Variants in ELAPOR1 observed in about 807,000 individuals in gnomAD.
The protein encoded by ELAPOR1 is endosome/lysosome-associated apoptosis and autophagy regulator 1.
ELAPOR1 carries 77 observed loss-of-function variants against 119.7 expected under a neutral mutation model. That is an observed-to-expected ratio of 0.64 (90% confidence interval 0.54 to 0.78). The LOEUF (loss-of-function observed/expected upper bound fraction) is 0.78, where lower values mean the gene tolerates loss of function less well. ELAPOR1 is among the 30% of genes least tolerant of loss of function. The pLI, the probability that ELAPOR1 is intolerant of heterozygous loss-of-function variation, is 0.00. For missense variants in ELAPOR1, 1,115 were observed against 1,270.4 expected (o/e 0.88, Z 1.86); for synonymous variants, 481 against 487.2 (o/e 0.99, Z 0.17).
At chr1:109,130,962 ACT>A (rs1273186135) in intron 1 of ELAPOR1, among the ~76,000 whole-genome samples, 1 of 152,008 alleles carries the variant, frequency 6.6e-6, no homozygotes, top group South Asian at 2.1e-4. Flanking sequence ...GCATAGCAAG[ACT>A]CTCTCTCTAA....
intron 9 of ELAPOR1, 102 bp from the exon 10 acceptor site, chr1:109,188,964 G>A: frequency 2.1e-6 from 3 of 1,422,110 alleles, no homozygotes; most frequent in Non-Finnish European, 2.9e-6. Flanking sequence ...CAGGCTTCTG[G>A]GCTGCCCGCT....
Position 109,188,374 on chromosome 1 carries a change from A to G in ELAPOR1, c.1219+20A>G. 1.3e-6 allele frequency: 2 copies of G among 1,593,690 alleles called. No individual in the cohort carries two copies. Among genetic ancestry groups the G allele is most frequent in the Non-Finnish European group, 1.7e-6 (2 of 1,165,088 alleles). ...GCTCAGGTAACCTCCTCACCACCCC[A>G]CTCTCTGCAGCACATCGACTGTGTG... On this transcript the variant is annotated intron_variant, in intron 9 of 21. Transcript: ENST00000369939.
intron 1 of ELAPOR1, among the ~76,000 whole-genome samples, chr1:109,155,895 C>A (rs1201883978): frequency 2.6e-5 from 4 of 152,158 alleles, no homozygotes; most frequent in Non-Finnish European, 5.9e-5. Flanking sequence ...GTAATTCCAG[C>A]ACTTTGTGAG....
intron 8 of ELAPOR1, among the ~76,000 whole-genome samples, chr1:109,185,716 A>G (rs1653002267): frequency 6.6e-6 from 1 of 152,144 alleles, no homozygotes; most frequent in South Asian, 2.1e-4. Context: ...TCCTGCCCCC[A>G]GGGAGCTCAC....
intron 1 of ELAPOR1, among the ~76,000 whole-genome samples, chr1:109,160,080 TG>T (rs930339806): frequency 5.3e-4 from 80 of 152,310 alleles, no homozygotes; most frequent in African/African-American, 1.9e-3. Flanking sequence ...CCCATCCTGA[TG>T]TTCTTTCTTT....
chr1:109,154,186 C>A (rs922579749), intron 1 of ELAPOR1, among the ~76,000 whole-genome samples: 1 of 146,140 alleles, frequency 6.8e-6, no homozygotes, highest in Non-Finnish European at 1.5e-5. Context: ...GAGGTTGAGG[C>A]AGGAGAATTG....
chr1:109,157,157 C>G (rs1483515614), intron 1 of ELAPOR1, among the ~76,000 whole-genome samples: 1 of 152,084 alleles, frequency 6.6e-6, no homozygotes, highest in Non-Finnish European at 1.5e-5. Flanking sequence ...TGCTGTGCCC[C>G]AGACACAGTA....
intron 1 of ELAPOR1, among the ~76,000 whole-genome samples, chr1:109,122,550 A>G (rs111509602): frequency 0.01 from 1,523 of 152,024 alleles, 28 homozygotes; most frequent in African/African-American, 0.035. Flanking sequence ...AGACCCAGAC[A>G]CTAGGGAGAC....
At chr1:109,199,800 T>A in intron 18 of ELAPOR1, 54 bp from the exon 19 acceptor site, 1 of 1,595,412 alleles carries the variant, frequency 6.3e-7, no homozygotes. Context: ...TCCAACCAGA[T>A]CTTCCCCACC....
At position 109,144,061 on chromosome 1, in the gene ELAPOR1, A is replaced by ATATATATATATATATATATTTTTTT; in HGVS notation, c.154-17832_154-17831insATATATATATATATATATTTTTTTT. Among the ~76,000 whole-genome samples, 4 of 89,016 alleles carry ATATATATATATATATATATTTTTTT rather than the reference A, an allele frequency of 4.5e-5. 1 individual carries two copies. Among genetic ancestry groups the ATATATATATATATATATATTTTTTT allele is most frequent in the African/African-American group, 1.9e-4 (4 of 20,730 alleles). 58.4% of individuals were successfully genotyped at this position (89,016 alleles called of 152,430 possible). On this transcript the variant is annotated intron_variant, in intron 1 of 21. Coordinates refer to ENST00000369939, the MANE Select transcript of ELAPOR1 (RefSeq NM_020775.5). ...TATATATATATATATATATTTATATATTTTTTTTTTTTTTTGAGATGGAGT... is the reference window on the plus strand; with the variant it reads ...TATATATATATATATATATTTATATATATATATATATATATATATTTTTTTTTTTTTTTTTTTTTTGAGATGGAGT...
rs1653267488 is a variant in ELAPOR1, at chr1:109,189,193, A to G, written c.1347A>G (p.Thr449=). The part of the protein sequence containing the change: ...SGINFEYKGM[T]GWEVAGDHIY... ...TCAACTTCGAGTACAAGGGCATGAC[A>G]GGTAATTGCCTCTCCCTGTGCCATG... is the stretch of plus-strand genomic sequence containing the variant. The change falls in exon 10 of 22, where the codon ACA becomes ACG. Residue 449 remains threonine, a splice_region_variant and synonymous_variant. Coordinates refer to ENST00000369939, the MANE Select transcript of ELAPOR1 (RefSeq NM_020775.5). The G allele has an allele frequency of 1.9e-6, 3 of 1,613,270 alleles. No homozygotes were observed. The highest frequency in any genetic ancestry group is 1.7e-6 in the Non-Finnish European group (2 of 1,179,670).
chr1:109,186,330 T>C (rs1653042843), intron 8 of ELAPOR1, among the ~76,000 whole-genome samples: 1 of 152,174 alleles, frequency 6.6e-6, no homozygotes, highest in Non-Finnish European at 1.5e-5. Flanking sequence ...GAGCTGTCTG[T>C]ATCCCTAAGC....
intron 7 of ELAPOR1, among the ~76,000 whole-genome samples, chr1:109,177,250 C>T (rs553820681): frequency 6.8e-6 from 1 of 147,212 alleles, no homozygotes; most frequent in African/African-American, 2.6e-5. Context: ...CCCCCCACCT[C>T]CCTCCCGGAC....
chr1:109,191,371 C>T lies in ELAPOR1; in HGVS notation c.1445C>T (p.Pro482Leu), dbSNP rs191256013. Residue 482 changes from proline to leucine, a missense_variant, in exon 12 of 22, where the codon CCG becomes CTG. Physicochemically the swap from Pro to Leu is moderately conservative, Grantham distance 98 (BLOSUM62 -3). Coordinates refer to ENST00000369939, the MANE Select transcript of ELAPOR1 (RefSeq NM_020775.5). The part of the protein sequence containing the change: ...LTLVVPGFRP[P>L]QSVMADTENK... ...TTTAATTTCTGCCCCTACAGACCTC[C>T]GCAGTCGGTGATGGCAGACACAGAG... The T allele has an allele frequency of 5.0e-5, 80 of 1,613,312 alleles. No individual in the cohort carries two copies. The highest frequency in any genetic ancestry group is 6.7e-5 in the African/African-American group (5 of 75,030).
intron 20 of ELAPOR1, among the ~76,000 whole-genome samples, 168 bp from the exon 21 acceptor site, chr1:109,200,567 G>A (rs1016117652): frequency 2.0e-4 from 31 of 152,124 alleles, no homozygotes; most frequent in African/African-American, 7.2e-4. Context: ...CACTGAACTG[G>A]GAACTAAGAT....
At position 109,123,137 on chromosome 1, in the gene ELAPOR1, G is replaced by C. The variant is rs537308221; in HGVS notation, c.153+8801G>C. Among the ~76,000 whole-genome samples the C allele has an allele frequency of 2.6e-5, 4 of 152,304 alleles. No homozygotes were observed. In the East Asian group the frequency reaches 5.8e-4, roughly 22 times the overall value. ...GACTGCAAGCCAGATTACCTAAAAT[G>C]CTTCACCCAGAGGTCTGACATTGAC... is the stretch of plus-strand genomic sequence containing the variant. On this transcript the variant is annotated intron_variant, in intron 1 of 21. Coordinates refer to ENST00000369939, the MANE Select transcript of ELAPOR1 (RefSeq NM_020775.5).
chr1:109,192,915 C>T, intron 14 of ELAPOR1, 41 bp downstream of exon 14: 1 of 1,594,978 alleles, frequency 6.3e-7, no homozygotes, highest in Non-Finnish European at 8.5e-7. Context: ...TGACCCTCTG[C>T]TTGGATGACC....
chr1:109,166,867 G>A (rs940525946), intron 3 of ELAPOR1, among the ~76,000 whole-genome samples: 16 of 152,186 alleles, frequency 1.1e-4, no homozygotes, highest in Non-Finnish European at 2.4e-4. Context: ...ACAATCAAAT[G>A]GATAAGAAGG....
Position 109,189,210 on chromosome 1 carries a change from T to G in ELAPOR1, c.1348+16T>G. 6.2e-7 allele frequency: 1 copy of G among 1,611,432 alleles called. No individual in the cohort carries two copies. Among genetic ancestry groups the G allele is most frequent in the Non-Finnish European group, 8.5e-7 (1 of 1,178,708 alleles). On this transcript the variant is annotated intron_variant, in intron 10 of 21. Transcript: ENST00000369939. The stretch of plus-strand genomic sequence containing the variant: ...GGCATGACAGGTAATTGCCTCTCCC[T>G]GTGCCATGAGCTGTCAGCTCCCTGC...
Sources: gnomAD v4.1 joint callset for allele counts (sites outside exome capture counted in the v4.1 genomes callset) on GRCh38, gnomAD v4.1.1 for gene constraint, MANE v1.5 for transcripts, NCBI Gene and HGNC (gene_info 2026-07-23, HGNC 2026-07-21) for gene names.